The following RGS17 variants were observed in gnomAD, a reference collection of about 807,000 sequenced individuals.
RGS17 encodes regulator of G-protein signaling 17.
RGS17 carries 12 observed loss-of-function variants against 25.5 expected under a neutral mutation model. The ratio of observed to expected loss-of-function variants is 0.47; its 90% CI spans 0.30 to 0.76. The LOEUF (loss-of-function observed/expected upper bound fraction) is 0.76. Ranked by LOEUF, RGS17 falls within the 30% of genes least tolerant of loss-of-function variation. RGS17 has a pLI of 0.07. For missense variants in RGS17, 196 were observed against 242.2 expected (o/e 0.81, Z 1.27); for synonymous variants, 71 against 76.9 (o/e 0.92, Z 0.40).
At chr6:153,107,122 C>T (rs900563817) in intron 1 of RGS17, among the ~76,000 whole-genome samples, 15 of 151,544 alleles carry the variant, frequency 9.9e-5, no homozygotes, top group African/African-American at 3.4e-4. Context: ...CACCTGAGGT[C>T]AGAAGTTCAA....
intron 1 of RGS17, among the ~76,000 whole-genome samples, chr6:153,075,400 C>CG (rs1776863089): frequency 6.6e-6 from 1 of 152,208 alleles, no homozygotes; most frequent in Admixed American, 6.5e-5. Flanking sequence ...CCAAGAGATA[C>CG]TGGCTTCTGT....
chr6:153,024,264 CT>C lies in RGS17; in HGVS notation c.441del (p.Glu148ArgfsTer11). The stretch of plus-strand genomic sequence containing the variant: ...CTCAATGTTTTCCAGATTTTTACCT[CT>C]TTTGGTGATAGTATAGAAATGTAAT... ...YEDYISILSP[K>X]EVSLDSRVRE... On this transcript the variant is annotated frameshift_variant, in exon 4 of 5. Coordinates refer to ENST00000206262, the MANE Select transcript of RGS17 (RefSeq NM_012419.5). LOFTEE classifies it high-confidence loss of function. 1 of 1,601,542 alleles carries C rather than the reference CT, an allele frequency of 6.2e-7. No individual in the cohort carries two copies. The highest frequency in any genetic ancestry group is 8.5e-7 in the Non-Finnish European group (1 of 1,170,118).
chr6:153,101,661 C>T (rs1306846736), intron 1 of RGS17, among the ~76,000 whole-genome samples: 1 of 152,122 alleles, frequency 6.6e-6, no homozygotes, highest in Non-Finnish European at 1.5e-5. Flanking sequence ...GTAATCCCCA[C>T]ATGTTGAGGG....
At chr6:153,060,623 A>AT (rs1776620378) in intron 1 of RGS17, among the ~76,000 whole-genome samples, 1 of 152,174 alleles carries the variant, frequency 6.6e-6, no homozygotes, top group African/African-American at 2.4e-5. Context: ...CGAAGCACTG[A>AT]TATTTTGTGA....
chr6:153,045,132 G>A (rs1034772976), intron 1 of RGS17, among the ~76,000 whole-genome samples: 23 of 152,146 alleles, frequency 1.5e-4, no homozygotes, highest in African/African-American at 5.6e-4. Flanking sequence ...AAAAAATACT[G>A]CATTCTTGAA....
intron 1 of RGS17, among the ~76,000 whole-genome samples, chr6:153,046,567 A>C (rs1415353297): frequency 6.6e-6 from 1 of 152,082 alleles, no homozygotes; most frequent in Non-Finnish European, 1.5e-5. Flanking sequence ...ATAAGAAAAG[A>C]CATAACGGGA....
intron 1 of RGS17, among the ~76,000 whole-genome samples, chr6:153,126,999 T>C (rs551216653): frequency 6.6e-6 from 1 of 152,320 alleles, no homozygotes; most frequent in Non-Finnish European, 1.5e-5. Flanking sequence ...GAAGACAATT[T>C]TTCCACGGAT....
intron 1 of RGS17, among the ~76,000 whole-genome samples, chr6:153,059,344 G>T (rs1288121360): frequency 6.6e-6 from 1 of 152,096 alleles, no homozygotes; most frequent in Non-Finnish European, 1.5e-5. Context: ...TCAGCTGCTA[G>T]TTTTCATCCC....
chr6:153,106,579 G>A (rs1178007155), intron 1 of RGS17, among the ~76,000 whole-genome samples: 2 of 151,496 alleles, frequency 1.3e-5, no homozygotes, highest in African/African-American at 2.4e-5. Context: ...TGCTTTCACT[G>A]TTGATCAACA....
intron 1 of RGS17, among the ~76,000 whole-genome samples, chr6:153,049,407 G>C (rs553528261): frequency 6.6e-6 from 1 of 152,182 alleles, no homozygotes; most frequent in East Asian, 1.9e-4. Flanking sequence ...ATACAGAGTT[G>C]GGTTATCTTC....
Position 153,020,449 on chromosome 6 carries a change from G to A in RGS17, c.444+3813C>T, listed in dbSNP as rs73634662. Among the ~76,000 whole-genome samples the A allele has an allele frequency of 7.2e-3, 1,088 of 151,776 alleles. 12 individuals carry two copies. The highest frequency in any genetic ancestry group is 0.025 in the African/African-American group (1,038 of 41,380). ...ATTACAGGTGTGAGCCACCGCGCCC[G>A]GTGATATCTCTTATTTTATAACACA... On this transcript the variant is annotated intron_variant, in intron 4 of 4. Transcript: ENST00000206262.
chr6:153,049,285 T>C (rs1776429668), intron 1 of RGS17, among the ~76,000 whole-genome samples: 1 of 152,078 alleles, frequency 6.6e-6, no homozygotes, highest in South Asian at 2.1e-4. Context: ...AATAAAGGCA[T>C]AGTTCAATAG....
intron 1 of RGS17, among the ~76,000 whole-genome samples, chr6:153,065,469 C>A (rs1584141243): frequency 6.6e-6 from 1 of 152,116 alleles, no homozygotes; most frequent in Non-Finnish European, 1.5e-5. Flanking sequence ...ATTTACAGAA[C>A]ATTTCACACA....
chr6:153,121,941 T>C (rs960228373), intron 1 of RGS17, among the ~76,000 whole-genome samples: 1 of 152,182 alleles, frequency 6.6e-6, no homozygotes, highest in African/African-American at 2.4e-5. Context: ...GTTCAGTCAA[T>C]GAAATTACTG....
intron 1 of RGS17, among the ~76,000 whole-genome samples, chr6:153,089,408 A>ATGGATCTAACC (rs1490354236): frequency 6.6e-6 from 1 of 152,322 alleles, no homozygotes; most frequent in Admixed American, 6.5e-5. Flanking sequence ...AATGAAAATA[A>ATGGATCTAACC]TGGATCTAAC....
chr6:153,032,064 T>C (rs557577753), intron 2 of RGS17, among the ~76,000 whole-genome samples: 1 of 152,032 alleles, frequency 6.6e-6, no homozygotes, highest in African/African-American at 2.4e-5. Flanking sequence ...GAAAGGAGAA[T>C]AGAACTGATG....
chr6:153,096,571 A>T (rs944205231), intron 1 of RGS17, among the ~76,000 whole-genome samples: 41 of 152,206 alleles, frequency 2.7e-4, no homozygotes, highest in African/African-American at 9.6e-4. Context: ...AAGCAATCAA[A>T]CTAGATGTTG....
intron 4 of RGS17, among the ~76,000 whole-genome samples, chr6:153,021,048 C>T (rs979233069): frequency 5.3e-5 from 8 of 151,866 alleles, no homozygotes; most frequent in South Asian, 4.1e-4. Flanking sequence ...CCTAACAGAC[C>T]TTTTCAATAG....
At chr6:153,035,988 G>A (rs1308223833) in intron 2 of RGS17, among the ~76,000 whole-genome samples, 1 of 152,092 alleles carries the variant, frequency 6.6e-6, no homozygotes, top group Non-Finnish European at 1.5e-5. Context: ...GGACTTCTCT[G>A]GTGTATCTGC....
Sources: allele counts gnomAD v4.1 joint callset (sites outside exome capture counted in the v4.1 genomes callset), GRCh38; gene constraint gnomAD v4.1.1; transcripts MANE v1.5; gene names NCBI Gene and HGNC (gene_info 2026-07-23, HGNC 2026-07-21).